The following STK3 variants were observed in gnomAD, a reference collection of about 807,000 sequenced individuals.
STK3 encodes the protein serine/threonine-protein kinase 3.
A neutral mutation model predicts 58.0 loss-of-function variants in STK3; 41 were observed. The ratio of observed to expected loss-of-function variants is 0.71; its 90% CI spans 0.55 to 0.92. The LOEUF (loss-of-function observed/expected upper bound fraction) is 0.92. STK3 is among the 40% of genes least tolerant of loss of function. The pLI, the probability that STK3 is intolerant of heterozygous loss-of-function variation, is 0.00. For missense variants in STK3, 479 were observed against 602.7 expected, an observed-to-expected ratio of 0.79 and a Z score of 2.15; for synonymous variants, 170 against 191.0, an observed-to-expected ratio of 0.89 and a Z score of 0.91.
At chr8:98,621,534 T>A (rs1818320653) in intron 6 of STK3, among the ~76,000 whole-genome samples, 1 of 152,258 alleles carries the variant, frequency 6.6e-6, no homozygotes, top group South Asian at 2.1e-4. Flanking sequence ...AGCTGAAAGG[T>A]TTTTATAGGT....
upstream of STK3, chr8:98,388,350 A>G (rs1817813450): frequency 6.6e-6 from 1 of 152,212 alleles, no homozygotes; most frequent in Admixed American, 6.5e-5. Context: ...TAAAACCCTT[A>G]GGTGAATAAC....
At chr8:98,743,136 G>A (rs1371025394) in intron 4 of STK3, among the ~76,000 whole-genome samples, 3 of 151,674 alleles carry the variant, frequency 2.0e-5, no homozygotes, top group South Asian at 2.1e-4. Context: ...AATCAATATC[G>A]TGAAAATGGC....
At chr8:98,933,511 A>G (rs942717411) in intron 1 of STK3, among the ~76,000 whole-genome samples, 1 of 152,200 alleles carries the variant, frequency 6.6e-6, no homozygotes, top group Non-Finnish European at 1.5e-5. Flanking sequence ...AAAAGAATTG[A>G]ATTACAGGGT....
At chr8:98,627,015 T>C (rs1818771678) in intron 6 of STK3, among the ~76,000 whole-genome samples, 1 of 152,156 alleles carries the variant, frequency 6.6e-6, no homozygotes, top group African/African-American at 2.4e-5. Context: ...AAAAATTCTG[T>C]CCCCACTTCA....
intron 7 of STK3, among the ~76,000 whole-genome samples, chr8:98,583,583 C>T (rs1381164436): frequency 1.3e-5 from 2 of 152,200 alleles, no homozygotes; most frequent in Middle Eastern, 3.4e-3. Context: ...GATGAAGTAC[C>T]TTTTCAATAA....
intron 4 of STK3, 84 bp from the exon 5 acceptor site, chr8:98,707,395 T>C: frequency 1.9e-6 from 2 of 1,060,560 alleles, no homozygotes; most frequent in Non-Finnish European, 2.6e-6. Flanking sequence ...CAAGTATGTC[T>C]TTCCGTGTGT....
At chr8:98,629,929 T>C (rs1266947475) in intron 6 of STK3, among the ~76,000 whole-genome samples, 1 of 152,178 alleles carries the variant, frequency 6.6e-6, no homozygotes. Flanking sequence ...AATAGTCCCC[T>C]GTTCTAATAA....
chr8:98,829,430 G>A (rs1284401875), upstream of STK3, among the ~76,000 whole-genome samples: 1 of 152,212 alleles, frequency 6.6e-6, no homozygotes, highest in Non-Finnish European at 1.5e-5. Context: ...AATTGTGGAA[G>A]TAGGAGGAAT....
chr8:98,681,320 C>T (rs2130897381), intron 6 of STK3, among the ~76,000 whole-genome samples: 1 of 152,038 alleles, frequency 6.6e-6, no homozygotes, highest in African/African-American at 2.4e-5. Context: ...TTTCTATACT[C>T]TCTAACCCCC....
At chr8:98,537,892 T>C (rs1432256804) in intron 9 of STK3, among the ~76,000 whole-genome samples, 1 of 152,136 alleles carries the variant, frequency 6.6e-6, no homozygotes, top group African/African-American at 2.4e-5. Context: ...GTAAACTAAA[T>C]TGTGAGAAAT....
chr8:98,351,955 C>T, the STK3 span, among the ~76,000 whole-genome samples: 1 of 151,902 alleles, frequency 6.6e-6, no homozygotes, highest in Non-Finnish European at 1.5e-5. Flanking sequence ...GTCAGGAGAT[C>T]GAGACCATCC....
chr8:98,581,246 T>C (rs981412044), intron 7 of STK3, among the ~76,000 whole-genome samples: 2 of 152,200 alleles, frequency 1.3e-5, no homozygotes, highest in African/African-American at 4.8e-5. Context: ...AGTCCTGTAC[T>C]GGTACTGTGG....
intron 1 of STK3, among the ~76,000 whole-genome samples, chr8:98,903,558 T>TTCTTCTTCTTCTTCTTCTTC (rs1564093765): frequency 1.5e-5 from 1 of 68,832 alleles, no homozygotes; most frequent in Admixed American, 1.5e-4. Context: ...TTCTTCTTCC[T>TTCTTCTTCTTCTTCTTCTTC]TTTTTTTTTT....
At chr8:98,707,093 A>C (rs1826020947) in intron 5 of STK3, 54 bp downstream of exon 5, 2 of 1,526,606 alleles carry the variant, frequency 1.3e-6, no homozygotes, top group African/African-American at 2.8e-5. Context: ...TTTAGTTATA[A>C]TCAAATCTGA....
At chr8:98,531,443 A>T (rs1826166716) in intron 9 of STK3, among the ~76,000 whole-genome samples, 1 of 152,214 alleles carries the variant, frequency 6.6e-6, no homozygotes, top group Non-Finnish European at 1.5e-5. Flanking sequence ...GTGGGCTTAA[A>T]ATATTCAGCA....
At chr8:98,703,802 G>C (rs908706056) in intron 6 of STK3, among the ~76,000 whole-genome samples, 1 of 152,066 alleles carries the variant, frequency 6.6e-6, no homozygotes, top group African/African-American at 2.4e-5. Context: ...CACAAACCAG[G>C]ATTAATTACA....
intron 10 of STK3, among the ~76,000 whole-genome samples, chr8:98,476,876 G>T (rs961939328): frequency 1.2e-4 from 19 of 152,268 alleles, no homozygotes; most frequent in Admixed American, 2.6e-4. Flanking sequence ...AAGGAATTTA[G>T]AATATGTCAC....
Position 98,428,088 on chromosome 8 carries a change from C to A in STK3, n.483+6039G>T. ...GAGGCTGCGCTCGCACACGCTGCTGCGCTTCCCCGAGACGCGCCTGGGCCG... is the reference window on the plus strand; with the variant it reads ...GAGGCTGCGCTCGCACACGCTGCTGAGCTTCCCCGAGACGCGCCTGGGCCG... On this transcript the variant is annotated intron_variant and non_coding_transcript_variant, in intron 3 of 3. Coordinates refer to the STK3 transcript ENST00000517832. This position sits in a 1 kb window ranked among gnomAD's most constrained non-coding sequence, Gnocchi z 6.7. 1.2e-6 allele frequency: 2 copies of A among 1,613,810 alleles called. No homozygotes were observed. The highest frequency in any genetic ancestry group is 1.7e-6 in the Non-Finnish European group (2 of 1,179,988).
chr8:98,793,611 C>T (rs868610812), intron 1 of STK3, among the ~76,000 whole-genome samples: 4 of 152,268 alleles, frequency 2.6e-5, no homozygotes, highest in Middle Eastern at 6.8e-3. Context: ...CAACAGCCCA[C>T]TGACTAATGC....
Sources: gnomAD v4.1 joint callset for allele counts (sites outside exome capture counted in the v4.1 genomes callset) on GRCh38, gnomAD v4.1.1 for gene constraint, Gnocchi (gnomAD v3.1) non-coding constraint, MANE v1.5 for transcripts, NCBI Gene and HGNC (gene_info 2026-07-23, HGNC 2026-07-21) for gene names.